The following ZNF385B variants were observed in gnomAD, a reference collection of about 807,000 sequenced individuals.
ZNF385B encodes zinc finger protein 533.
Under a neutral mutation model 39.2 loss-of-function variants are expected in ZNF385B, and 23 were observed. The ratio of observed to expected loss-of-function variants is 0.59; its 90% CI spans 0.42 to 0.83. ZNF385B has a LOEUF of 0.83. Ranked by LOEUF, ZNF385B falls within the 40% of genes least tolerant of loss-of-function variation. The pLI is 0.00. For synonymous variants in ZNF385B, 205 were observed against 222.6 expected, an observed-to-expected ratio of 0.92 and a Z score of 0.70; for missense variants, 552 against 598.9, an observed-to-expected ratio of 0.92 and a Z score of 0.82.
chr2:179,538,211 G>C (rs912015522), intron 4 of ZNF385B, among the ~76,000 whole-genome samples: 2 of 152,080 alleles, frequency 1.3e-5, no homozygotes, highest in East Asian at 3.9e-4. Context: ...CACTATTAGA[G>C]TGACGAAGAC....
At chr2:179,732,030 G>A (rs1171090899) in intron 3 of ZNF385B, among the ~76,000 whole-genome samples, 1 of 152,128 alleles carries the variant, frequency 6.6e-6, no homozygotes. Context: ...AACTTTTTTG[G>A]ATTAAGATCG....
intron 3 of ZNF385B, chr2:179,562,744 A>G (rs1684072226): frequency 8.9e-6 from 2 of 223,902 alleles, no homozygotes; most frequent in Admixed American, 6.5e-5. Flanking sequence ...ACTCTGTCAT[A>G]GTAAAATGGA....
At chr2:179,831,778 C>T (rs1314926681) in intron 1 of ZNF385B, among the ~76,000 whole-genome samples, 1 of 152,088 alleles carries the variant, frequency 6.6e-6, no homozygotes, top group Non-Finnish European at 1.5e-5. Flanking sequence ...AGTGGGGAGG[C>T]CATTATTGTA....
At chr2:179,665,945 C>G (rs1304434861) in intron 3 of ZNF385B, among the ~76,000 whole-genome samples, 1 of 152,086 alleles carries the variant, frequency 6.6e-6, no homozygotes, top group East Asian at 1.9e-4. Context: ...AATGCTCTGA[C>G]TGTTTATCCC....
At chr2:179,699,280 C>T (rs1698996559) in intron 3 of ZNF385B, among the ~76,000 whole-genome samples, 2 of 152,038 alleles carry the variant, frequency 1.3e-5, no homozygotes, top group African/African-American at 2.4e-5. Flanking sequence ...TTCTGCATTC[C>T]CTGCTCTCTT....
intron 3 of ZNF385B, among the ~76,000 whole-genome samples, chr2:179,648,658 C>T (rs1029836616): frequency 5.9e-5 from 9 of 152,002 alleles, no homozygotes; most frequent in African/African-American, 1.9e-4. Flanking sequence ...AAGGAAAGTA[C>T]AAAATGAGCC....
At chr2:179,576,099 C>G in intron 3 of ZNF385B, 11 of 981,716 alleles carry the variant, frequency 1.1e-5, no homozygotes, top group Non-Finnish European at 1.3e-5. Context: ...CACAGGCACA[C>G]AGTTACCAGG....
rs1014568409 is a variant in ZNF385B at position 179,444,890 on chromosome 2, G to A, written c.1228C>T (p.Pro410Ser). 6.2e-7 allele frequency: 1 copy of A among 1,614,068 alleles called. No homozygotes were observed. ...GGTAAACTTACTGCTAGAATACTCG[G>A]GCTCCGCTGGAGTTTGTTGTAAGGG... ...YSPYNKLQRS[P>S]SILAAKLAFQ... The change falls in exon 9 of 10, where the codon CCG (proline) becomes TCG (serine). Residue 410 changes from proline to serine, a missense_variant. Pro to Ser is a moderately conservative substitution (Grantham distance 74). Transcript: ENST00000410066.
At chr2:179,672,906 T>C (rs1696227840) in intron 3 of ZNF385B, among the ~76,000 whole-genome samples, 1 of 152,132 alleles carries the variant, frequency 6.6e-6, no homozygotes. Flanking sequence ...GTGGGTATCC[T>C]AGAGACTTAG....
chr2:179,466,010 A>T (rs1312750522), intron 6 of ZNF385B, among the ~76,000 whole-genome samples: 1 of 152,246 alleles, frequency 6.6e-6, no homozygotes, highest in African/African-American at 2.4e-5. Flanking sequence ...AAATATAAGA[A>T]AAATTCACTG....
intron 1 of ZNF385B, among the ~76,000 whole-genome samples, chr2:179,850,217 C>G (rs1559250252): frequency 6.6e-6 from 1 of 152,146 alleles, no homozygotes; most frequent in Non-Finnish European, 1.5e-5. Context: ...ATCCCTCTCC[C>G]CTAAAGTCAC....
chr2:179,493,640 C>CATAT (rs2055614575), intron 5 of ZNF385B, among the ~76,000 whole-genome samples: 2 of 95,346 alleles, frequency 2.1e-5, no homozygotes, highest in Non-Finnish European at 4.3e-5. Context: ...CATATGTATA[C>CATAT]ACATATGCGT....
At chr2:179,775,579 G>A (rs528699040) in intron 1 of ZNF385B, among the ~76,000 whole-genome samples, 1 of 152,194 alleles carries the variant, frequency 6.6e-6, no homozygotes, top group Non-Finnish European at 1.5e-5. Context: ...CTGGTCTAGT[G>A]TGAATCCCAA....
chr2:179,699,760 G>C (rs191766652), intron 3 of ZNF385B, among the ~76,000 whole-genome samples: 1 of 152,098 alleles, frequency 6.6e-6, no homozygotes, highest in Non-Finnish European at 1.5e-5. Flanking sequence ...TCCATATCAC[G>C]TATCCTCTGT....
At chr2:179,690,035 TCTC>T (rs1273879796) in intron 3 of ZNF385B, among the ~76,000 whole-genome samples, 1 of 152,140 alleles carries the variant, frequency 6.6e-6, no homozygotes, top group African/African-American at 2.4e-5. Flanking sequence ...TTCCATTGGT[TCTC>T]CTAACTCTGC....
intron 7 of ZNF385B, 26 bp downstream of exon 7, chr2:179,446,486 GTTATAAACATTAT>G: frequency 6.3e-7 from 1 of 1,583,602 alleles, no homozygotes; most frequent in Non-Finnish European, 8.6e-7. Context: ...GTTGGGTTTT[GTTATAAACATTAT>G]TTAAATGCAA....
At chr2:179,663,713 C>CAAAAAAAAAAAAA (rs71401756) in intron 3 of ZNF385B, among the ~76,000 whole-genome samples, 5 of 67,736 alleles carry the variant, frequency 7.4e-5, no homozygotes, top group African/African-American at 2.7e-4. Context: ...GACTCCGTCT[C>CAAAAAAAAAAAAA]AAAAAAAAAA....
chr2:179,479,739 T>C, intron 6 of ZNF385B, among the ~76,000 whole-genome samples: 1 of 152,094 alleles, frequency 6.6e-6, no homozygotes, highest in Non-Finnish European at 1.5e-5. Flanking sequence ...CCTCGGAGGC[T>C]GAGGCATGAG....
In ZNF385B at chr2:179,772,387, A is replaced by G. The variant is rs908087264; in HGVS notation, c.-154-1715T>C. Among the ~76,000 whole-genome samples, 4 of 152,286 alleles carry G rather than the reference A, an allele frequency of 2.6e-5. No individual in the cohort carries two copies. The East Asian group carries it at 5.8e-4, about 22-fold the overall frequency. On this transcript the variant is annotated intron_variant, in intron 1 of 9. Transcript: ENST00000410066. ...CATGGGCCACTCTAGAAAAGACCCA[A>G]TGCCTGGGGGTGGGGTATGCATTCT... is the stretch of plus-strand genomic sequence containing the variant.
Sources: gnomAD v4.1 joint callset for allele counts (sites outside exome capture counted in the v4.1 genomes callset) on GRCh38, gnomAD v4.1.1 for gene constraint, MANE v1.5 for transcripts, NCBI Gene and HGNC (gene_info 2026-07-23, HGNC 2026-07-21) for gene names.